SLC16A10: variants seen among roughly 807,000 people sequenced by gnomAD.
SLC16A10 encodes monocarboxylate transporter 10.
SLC16A10 carries 27 observed loss-of-function variants against 40.0 expected under a neutral mutation model. The ratio of observed to expected loss-of-function variants is 0.67; its 90% CI spans 0.50 to 0.93. The LOEUF (loss-of-function observed/expected upper bound fraction) is 0.93, where lower values mean the gene tolerates loss of function less well. Among genes scored for constraint, SLC16A10 ranks in the 40% least tolerant of loss-of-function variants. SLC16A10 has a pLI of 0.00. For synonymous variants in SLC16A10, 213 were observed against 249.8 expected (o/e 0.85, Z 1.39); for missense variants, 529 against 658.2 (o/e 0.80, Z 2.15).
intron 1 of SLC16A10, among the ~76,000 whole-genome samples, chr6:111,158,329 C>T (rs754464071): frequency 6.6e-5 from 10 of 152,114 alleles, no homozygotes; most frequent in African/African-American, 2.4e-4. Flanking sequence ...TCCTGTAGAT[C>T]GTCAGTCCCC....
Position 111,225,821 on chromosome 6 carries a change from C to T in SLC16A10, c.*3586C>T, listed in dbSNP as rs192725296. 1 of 152,146 alleles carries T rather than the reference C, an allele frequency of 6.6e-6. No homozygotes were observed. Among genetic ancestry groups the T allele is most frequent in the East Asian group, 1.9e-4 (1 of 5,162 alleles). 9.4% of individuals were successfully genotyped at this position (152,146 alleles called of 1,614,324 possible). A position where few individuals can be genotyped will look rare whatever the true frequency, so the allele number is the denominator to read the frequency against. On this transcript the variant is annotated 3_prime_UTR_variant, in exon 6 of 6. Coordinates refer to ENST00000368851, the MANE Select transcript of SLC16A10 (RefSeq NM_018593.5). ...CACTTTCATGCCCTTTCTTATGTACCTTTTGTCTTACTCTTCTTACATTAT... is the reference window on the plus strand; with the variant it reads ...CACTTTCATGCCCTTTCTTATGTACTTTTTGTCTTACTCTTCTTACATTAT...
chr6:111,105,223 T>C (rs1309213377), intron 1 of SLC16A10, among the ~76,000 whole-genome samples: 1 of 152,158 alleles, frequency 6.6e-6, no homozygotes, highest in East Asian at 1.9e-4. Flanking sequence ...AAATTTAAAG[T>C]ATTGACAGTG....
chr6:111,112,406 T>C (rs1051146300), intron 1 of SLC16A10, among the ~76,000 whole-genome samples: 1 of 149,844 alleles, frequency 6.7e-6, no homozygotes, highest in Non-Finnish European at 1.5e-5. Flanking sequence ...GGTGTTAGCT[T>C]TCTAACTATT....
At chr6:111,132,199 G>C (rs1194448709) in intron 1 of SLC16A10, among the ~76,000 whole-genome samples, 4 of 152,148 alleles carry the variant, frequency 2.6e-5, no homozygotes, top group African/African-American at 9.7e-5. Flanking sequence ...GAGAGAGAGA[G>C]AGAGACAGAG....
intron 1 of SLC16A10, 120 bp from the exon 2 acceptor site, chr6:111,172,575 G>A (rs1198091861): frequency 8.4e-7 from 1 of 1,185,304 alleles, no homozygotes. Context: ...ACTAAGCTTA[G>A]GCACTATACT....
intron 1 of SLC16A10, among the ~76,000 whole-genome samples, chr6:111,101,653 T>A (rs6900781): frequency 0.5 from 76,062 of 151,988 alleles, 19,986 homozygotes; most frequent in East Asian, 0.7. Flanking sequence ...GACAGAGTCT[T>A]GCTGTGTTGC....
chr6:111,213,028 T>C (rs547754177), intron 4 of SLC16A10, among the ~76,000 whole-genome samples: 3 of 152,306 alleles, frequency 2.0e-5, no homozygotes, highest in Non-Finnish European at 1.5e-5. Flanking sequence ...CAGATTTGTG[T>C]TTTTAATGTA....
At chr6:111,102,382 A>G (rs1771205667) in intron 1 of SLC16A10, among the ~76,000 whole-genome samples, 1 of 152,238 alleles carries the variant, frequency 6.6e-6, no homozygotes, top group South Asian at 2.1e-4. Context: ...AGTACTAATG[A>G]TATTTTTTAA....
intron 1 of SLC16A10, among the ~76,000 whole-genome samples, chr6:111,162,706 T>C (rs1381913261): frequency 6.6e-6 from 1 of 152,184 alleles, no homozygotes; most frequent in African/African-American, 2.4e-5. Flanking sequence ...AAGAAATAAA[T>C]GTGCTCCAAA....
At chr6:111,206,102 G>A (rs1426710324) in intron 3 of SLC16A10, among the ~76,000 whole-genome samples, 1 of 149,320 alleles carries the variant, frequency 6.7e-6, no homozygotes, top group Admixed American at 6.6e-5. Context: ...TTTTGGAGAC[G>A]GAGTCTTGCT....
chr6:111,095,436 G>A (rs1771056689), intron 1 of SLC16A10, among the ~76,000 whole-genome samples: 1 of 152,192 alleles, frequency 6.6e-6, no homozygotes, highest in Non-Finnish European at 1.5e-5. Context: ...ATTCAAATAA[G>A]TTACAAATTA....
intron 1 of SLC16A10, among the ~76,000 whole-genome samples, chr6:111,133,446 G>A (rs1245510829): frequency 6.6e-6 from 1 of 152,152 alleles, no homozygotes; most frequent in Non-Finnish European, 1.5e-5. Context: ...TTGACTCTCA[G>A]ATGCTAAGAA....
intron 1 of SLC16A10, among the ~76,000 whole-genome samples, chr6:111,144,404 C>T (rs967412506): frequency 9.2e-5 from 14 of 152,036 alleles, no homozygotes; most frequent in Non-Finnish European, 1.2e-4. Flanking sequence ...GGGGTTTCAC[C>T]GTGTTAGCCA....
intron 3 of SLC16A10, among the ~76,000 whole-genome samples, chr6:111,203,952 A>C (rs939837277): frequency 6.6e-6 from 1 of 150,544 alleles, no homozygotes; most frequent in African/African-American, 2.5e-5. Flanking sequence ...TTAGTTTCAT[A>C]AAAAAAAAGA....
chr6:111,163,935 C>G (rs1375711077), intron 1 of SLC16A10, among the ~76,000 whole-genome samples: 2 of 152,160 alleles, frequency 1.3e-5, no homozygotes, highest in African/African-American at 4.8e-5. Context: ...ATAATTCTGT[C>G]CAATCTTAAC....
At chr6:111,217,443 G>T (rs1356190703) in intron 4 of SLC16A10, among the ~76,000 whole-genome samples, 1 of 136,860 alleles carries the variant, frequency 7.3e-6, no homozygotes, top group African/African-American at 2.7e-5. Context: ...AGTTTTTGTT[G>T]TTGTTGTTGT....
intron 4 of SLC16A10, among the ~76,000 whole-genome samples, chr6:111,213,658 C>T (rs1264126319): frequency 2.0e-5 from 3 of 152,200 alleles, no homozygotes; most frequent in Non-Finnish European, 2.9e-5. Flanking sequence ...TAGACTGTGG[C>T]ACTGGGTGTG....
intron 4 of SLC16A10, among the ~76,000 whole-genome samples, chr6:111,209,287 C>T (rs1268479901): frequency 1.3e-5 from 2 of 151,984 alleles, no homozygotes; most frequent in Non-Finnish European, 2.9e-5. Flanking sequence ...GCAGGAAGAA[C>T]CAAGGCAGAG....
chr6:111,153,066 G>T lies in SLC16A10; in HGVS notation c.344-19629G>T, dbSNP rs187414619. Among the ~76,000 whole-genome samples, 386 of 152,312 alleles carry T rather than the reference G, an allele frequency of 2.5e-3. 2 individuals carry two copies. The highest frequency in any genetic ancestry group is 8.8e-3 in the African/African-American group (366 of 41,558). ...GTGCTGGGGAAGATCAAGGGAGAGAGAGGGTGCTGAGAGCCAATAGGGTGG... is the reference window on the plus strand; with the variant it reads ...GTGCTGGGGAAGATCAAGGGAGAGATAGGGTGCTGAGAGCCAATAGGGTGG... On this transcript the variant is annotated intron_variant, in intron 1 of 5. Coordinates refer to ENST00000368851, the MANE Select transcript of SLC16A10 (RefSeq NM_018593.5).
Sources: allele counts gnomAD v4.1 joint callset (sites outside exome capture counted in the v4.1 genomes callset), GRCh38; gene constraint gnomAD v4.1.1; transcripts MANE v1.5; gene names NCBI Gene and HGNC (gene_info 2026-07-23, HGNC 2026-07-21).